Variants in RALYL observed in about 807,000 individuals in gnomAD.
RALYL encodes the protein RALY RNA binding protein like.
Under a neutral mutation model 35.1 loss-of-function variants are expected in RALYL, and 29 were observed. The ratio of observed to expected loss-of-function variants is 0.83; its 90% CI spans 0.61 to 1.13. The LOEUF (loss-of-function observed/expected upper bound fraction) is 1.13, where lower values mean the gene tolerates loss of function less well. Ranked by LOEUF, RALYL falls within the 50% of genes most tolerant of loss-of-function variation. RALYL has a pLI of 0.00. For synonymous variants in RALYL, 120 were observed against 127.6 expected, an observed-to-expected ratio of 0.94 and a Z score of 0.40; for missense variants, 359 against 360.4, an observed-to-expected ratio of 1.00 and a Z score of 0.03.
At position 84,273,371 on chromosome 8, in the gene RALYL, A is replaced by G. The variant is rs954997189; in HGVS notation, c.-24+88947A>G. Among the ~76,000 whole-genome samples, 5 of 152,338 alleles carry G rather than the reference A, an allele frequency of 3.3e-5. No individual in the cohort carries two copies. The East Asian group carries it at 9.6e-4, about 29-fold the overall frequency. On this transcript the variant is annotated intron_variant, in intron 1 of 8. Coordinates refer to ENST00000521268, the MANE Select transcript of RALYL (RefSeq NM_173848.7). ...CATGGGCCTCTCCGTAGGGAAGCTC[A>G]CTACATGGCAGCTGGTTTCCCTCAG... is the stretch of plus-strand genomic sequence containing the variant.
At chr8:84,781,414 G>T (rs1489592204) in intron 3 of RALYL, among the ~76,000 whole-genome samples, 1 of 152,128 alleles carries the variant, frequency 6.6e-6, no homozygotes, top group Non-Finnish European at 1.5e-5. Flanking sequence ...TCTCTGCTAG[G>T]CTAAAGAATG....
chr8:84,643,609 G>A lies in RALYL; in HGVS notation c.256+114032G>A, dbSNP rs116378033. Among the ~76,000 whole-genome samples the A allele has an allele frequency of 5.7e-3, 869 of 152,130 alleles. 9 individuals carry two copies. Among genetic ancestry groups the A allele is most frequent in the African/African-American group, 0.02 (827 of 41,528 alleles). On this transcript the variant is annotated intron_variant, in intron 2 of 8. Transcript: ENST00000521268. ...ATTAGACTGGCAGGCTGGAGACTCC[G>A]GAGCACACAGCAATCCCCATATGGG...
At chr8:84,485,609 G>T (rs916477006) in intron 1 of RALYL, among the ~76,000 whole-genome samples, 1 of 151,902 alleles carries the variant, frequency 6.6e-6, no homozygotes, top group African/African-American at 2.4e-5. Flanking sequence ...AAAACTACTA[G>T]TATCTCCAGA....
At chr8:84,663,153 G>A (rs773463886) in intron 2 of RALYL, among the ~76,000 whole-genome samples, 1 of 152,112 alleles carries the variant, frequency 6.6e-6, no homozygotes, top group Non-Finnish European at 1.5e-5. Flanking sequence ...TCCCTGCAAA[G>A]GACATGAGCT....
intron 2 of RALYL, among the ~76,000 whole-genome samples, chr8:84,736,018 T>C (rs1847244647): frequency 6.6e-6 from 1 of 152,082 alleles, no homozygotes; most frequent in African/African-American, 2.4e-5. Flanking sequence ...CTCCCAGAAC[T>C]GCAACACTCC....
chr8:84,269,810 A>T (rs1017726827), intron 1 of RALYL, among the ~76,000 whole-genome samples: 1 of 152,126 alleles, frequency 6.6e-6, no homozygotes, highest in Non-Finnish European at 1.5e-5. Flanking sequence ...TAGGAAAAAA[A>T]TCCAAATATA....
intron 1 of RALYL, among the ~76,000 whole-genome samples, chr8:84,467,280 A>G (rs2051840988): frequency 6.6e-6 from 1 of 151,642 alleles, no homozygotes. Flanking sequence ...GTGGGCATTT[A>G]GTGCTATAAA....
rs949313869 is a variant in RALYL, at chr8:84,704,729, C to G, written c.257-69850C>G. On this transcript the variant is annotated intron_variant, in intron 2 of 8. Transcript: ENST00000521268. Reference sequence around the variant, plus strand: ...CCAAAGAGTTTAGTTCATCAAAAGTCAAGGACACTGAACAGAATATTGCTG... The same window carrying G: ...CCAAAGAGTTTAGTTCATCAAAAGTGAAGGACACTGAACAGAATATTGCTG... Among the ~76,000 whole-genome samples, 26 of 152,028 alleles carry G rather than the reference C, an allele frequency of 1.7e-4. 2 individuals carry two copies. The highest frequency in any genetic ancestry group is 1.6e-3 in the Admixed American group (25 of 15,252).
chr8:84,273,430 GA>G (rs1834727217), intron 1 of RALYL, among the ~76,000 whole-genome samples: 1 of 152,244 alleles, frequency 6.6e-6, no homozygotes, highest in Non-Finnish European at 1.5e-5. Flanking sequence ...AAGGCACTTA[GA>G]TGGAAGCCAC....
chr8:84,665,879 G>C (rs1831917255), intron 2 of RALYL: 1 of 151,778 alleles, frequency 6.6e-6, no homozygotes, highest in Non-Finnish European at 1.5e-5. Flanking sequence ...CACAAGTCTT[G>C]ACTAAGCCAT....
intron 2 of RALYL, among the ~76,000 whole-genome samples, chr8:84,742,758 T>C (rs907386772): frequency 6.6e-6 from 1 of 151,966 alleles, no homozygotes; most frequent in African/African-American, 2.4e-5. Context: ...ACATTACATA[T>C]TGGTTTTGGT....
chr8:84,873,301 C>T lies in RALYL; in HGVS notation c.589C>T (p.Gln197Ter). ...CTTTCCAGTGAAATCAGATGAGTTA[C>T]AGACCATCAAGAAAGAATTAACCCA... is the stretch of plus-strand genomic sequence containing the variant. ...TGSKLKSDEL[Q>*]TIKKELTQIK... Residue 197 changes from glutamine (Q) to a stop codon, truncating the protein, a stop_gained, in exon 7 of 9, where the codon CAG becomes TAG. Coordinates refer to ENST00000521268, the MANE Select transcript of RALYL (RefSeq NM_173848.7). LOFTEE classifies it high-confidence loss of function. The T allele has an allele frequency of 6.3e-7, 1 of 1,586,534 alleles. No individual in the cohort carries two copies. The highest frequency in any genetic ancestry group is 8.6e-7 in the Non-Finnish European group (1 of 1,163,442).
At chr8:84,751,590 C>T (rs1297843081) in intron 2 of RALYL, among the ~76,000 whole-genome samples, 1 of 152,046 alleles carries the variant, frequency 6.6e-6, no homozygotes. Flanking sequence ...TTGTAATACC[C>T]ATTATTGGAG....
chr8:84,343,976 C>A (rs1307593325), intron 1 of RALYL, among the ~76,000 whole-genome samples: 1 of 151,696 alleles, frequency 6.6e-6, no homozygotes, highest in Non-Finnish European at 1.5e-5. Context: ...TGATATATGG[C>A]AATTGTTTTA....
rs528826025 is a variant in RALYL at position 84,763,316 on chromosome 8, C to G, written c.257-11263C>G. Reference sequence around the variant, plus strand: ...GAGAGTTCTCAAGGAAACTGATGATCCCGACTTTCTGTTGGTTGAATGTTA... The same window carrying G: ...GAGAGTTCTCAAGGAAACTGATGATGCCGACTTTCTGTTGGTTGAATGTTA... On this transcript the variant is annotated intron_variant, in intron 2 of 8. Transcript: ENST00000521268. 3.3e-5 allele frequency among the ~76,000 whole-genome samples: 5 copies of G among 152,170 alleles called. No individual in the cohort carries two copies. The East Asian group carries it at 9.6e-4, about 29-fold the overall frequency.
chr8:84,341,718 C>T lies in RALYL; in HGVS notation c.-24+157294C>T, dbSNP rs185349453. On this transcript the variant is annotated intron_variant, in intron 1 of 8. Coordinates refer to ENST00000521268, the MANE Select transcript of RALYL (RefSeq NM_173848.7). The stretch of plus-strand genomic sequence containing the variant: ...ATTCTTGAAAATATGCCCATAGAAC[C>T]CATAGAAGCTTCTTATGTAAGGATT... 3.8e-3 allele frequency among the ~76,000 whole-genome samples: 577 copies of T among 151,798 alleles called. 1 individual carries two copies. The highest frequency in any genetic ancestry group is 7.1e-3 in the Non-Finnish European group (483 of 67,854).
At chr8:84,825,695 C>T (rs1829525566) in intron 4 of RALYL, among the ~76,000 whole-genome samples, 1 of 151,904 alleles carries the variant, frequency 6.6e-6, no homozygotes, top group African/African-American at 2.4e-5. Flanking sequence ...TGGTGAAACC[C>T]CATCTCTACT....
chr8:84,401,495 G>A (rs1016339850), intron 1 of RALYL, among the ~76,000 whole-genome samples: 70 of 151,518 alleles, frequency 4.6e-4, no homozygotes, highest in Non-Finnish European at 2.1e-4. Context: ...AAAATTAGCC[G>A]GGCGCGGTGG....
intron 2 of RALYL, among the ~76,000 whole-genome samples, chr8:84,631,085 C>A (rs183059338): frequency 9.1e-4 from 138 of 152,002 alleles, no homozygotes; most frequent in African/African-American, 2.7e-3. Context: ...AGGAGATTAC[C>A]AACAAGTCCC....
Sources: gnomAD v4.1 joint callset for allele counts (sites outside exome capture counted in the v4.1 genomes callset) on GRCh38, gnomAD v4.1.1 for gene constraint, MANE v1.5 for transcripts, NCBI Gene and HGNC (gene_info 2026-07-23, HGNC 2026-07-21) for gene names.